The following SHLD2 variants were observed in gnomAD, a reference collection of about 807,000 sequenced individuals.
SHLD2 encodes shieldin complex subunit 2, also known as RINN1-REV7-interacting novel NHEJ regulator 2.
SHLD2 carries 30 observed loss-of-function variants against 73.2 expected under a neutral mutation model. That is an observed-to-expected ratio of 0.41 (90% CI 0.31 to 0.56). The LOEUF (loss-of-function observed/expected upper bound fraction) is 0.56. Ranked by LOEUF, SHLD2 falls within the 20% of genes least tolerant of loss-of-function variation. The pLI, the probability that SHLD2 is intolerant of heterozygous loss-of-function variation, is 0.28. For synonymous variants in SHLD2, 285 were observed against 370.1 expected (o/e 0.77, Z 2.64); for missense variants, 745 against 1,055.9 (o/e 0.71, Z 4.08).
intron 2 of SHLD2, among the ~76,000 whole-genome samples, chr10:87,105,881 T>C (rs891625619): frequency 3.3e-5 from 5 of 152,194 alleles, no homozygotes; most frequent in African/African-American, 1.2e-4. Flanking sequence ...ATTGGGTTGG[T>C]TACATGCCAC....
At chr10:87,142,956 G>C (rs1845311481) in intron 2 of SHLD2, among the ~76,000 whole-genome samples, 1 of 112,438 alleles carries the variant, frequency 8.9e-6, no homozygotes, top group African/African-American at 3.6e-5. Flanking sequence ...TAGAGACAGT[G>C]TCTCACTCTG....
chr10:87,162,802 T>C (rs770278871), intron 4 of SHLD2, among the ~76,000 whole-genome samples: 4 of 152,096 alleles, frequency 2.6e-5, no homozygotes, highest in Non-Finnish European at 5.9e-5. Context: ...ACCTATCAGA[T>C]TGGCAAAATT....
chr10:87,102,931 G>T (rs1245063781), intron 2 of SHLD2, among the ~76,000 whole-genome samples: 6 of 151,928 alleles, frequency 3.9e-5, no homozygotes, highest in Non-Finnish European at 7.4e-5. Context: ...TAAAAATCTG[G>T]CTGGGCGTGG....
chr10:87,144,674 T>A (rs867936726), intron 2 of SHLD2, among the ~76,000 whole-genome samples: 2 of 136,298 alleles, frequency 1.5e-5, no homozygotes, highest in African/African-American at 5.6e-5. Context: ...TTGCCCAGGC[T>A]GGAATGCAGT....
intron 9 of SHLD2, among the ~76,000 whole-genome samples, chr10:87,187,953 A>G (rs1228740253): frequency 1.3e-5 from 2 of 152,092 alleles, no homozygotes; most frequent in Non-Finnish European, 1.5e-5. Flanking sequence ...GTTTCAAATT[A>G]TCTTGTGCTT....
chr10:87,137,165 G>A (rs1303498512), intron 2 of SHLD2, among the ~76,000 whole-genome samples: 1 of 152,152 alleles, frequency 6.6e-6, no homozygotes, highest in African/African-American at 2.4e-5. Flanking sequence ...ACCCAGAGAT[G>A]ATCCAGATTT....
intron 2 of SHLD2, among the ~76,000 whole-genome samples, chr10:87,103,688 A>G (rs1358622783): frequency 1.3e-5 from 2 of 152,220 alleles, no homozygotes; most frequent in Non-Finnish European, 2.9e-5. Flanking sequence ...AAACTGTGTC[A>G]AAGAAAAGGA....
chr10:87,131,382 T>C (rs28628486), intron 2 of SHLD2, among the ~76,000 whole-genome samples: 16 of 152,138 alleles, frequency 1.1e-4, no homozygotes, highest in African/African-American at 3.9e-4. Flanking sequence ...CCTCCCTCCC[T>C]CAGCCCCTGG....
intron 2 of SHLD2, among the ~76,000 whole-genome samples, chr10:87,104,385 A>C (rs928439016): frequency 9.9e-5 from 15 of 151,696 alleles, no homozygotes; most frequent in African/African-American, 3.6e-4. Context: ...CCATCTCTAC[A>C]AAAATACAAA....
At chr10:87,135,963 A>G (rs1201299391) in intron 2 of SHLD2, among the ~76,000 whole-genome samples, 1 of 151,744 alleles carries the variant, frequency 6.6e-6, no homozygotes, top group East Asian at 1.9e-4. Context: ...TTTGGAAGGA[A>G]GTTACATATG....
chr10:87,161,164 T>C (rs982122832), intron 4 of SHLD2, among the ~76,000 whole-genome samples: 2 of 152,056 alleles, frequency 1.3e-5, no homozygotes, highest in African/African-American at 2.4e-5. Flanking sequence ...TTAAAAAATA[T>C]CATTAGGCTG....
intron 2 of SHLD2, among the ~76,000 whole-genome samples, chr10:87,104,675 T>C (rs1355695680): frequency 6.6e-6 from 1 of 152,092 alleles, no homozygotes; most frequent in East Asian, 1.9e-4. Flanking sequence ...TTTTTTTTTT[T>C]CTTGAGACGG....
intron 4 of SHLD2, among the ~76,000 whole-genome samples, chr10:87,169,064 C>T (rs1473302282): frequency 6.6e-5 from 10 of 152,136 alleles, no homozygotes; most frequent in Admixed American, 6.5e-4. Flanking sequence ...CACAATGTTT[C>T]CATGAGGTAG....
intron 2 of SHLD2, among the ~76,000 whole-genome samples, chr10:87,117,519 C>T (rs538070218): frequency 3.9e-5 from 6 of 152,180 alleles, no homozygotes; most frequent in Non-Finnish European, 8.8e-5. Flanking sequence ...TTAGGCTGGG[C>T]GTGGTGGCTC....
At chr10:87,180,396 A>G (rs753220900) in intron 8 of SHLD2, 93 bp downstream of exon 8, 1 of 1,486,790 alleles carries the variant, frequency 6.7e-7, no homozygotes, top group African/African-American at 1.4e-5. Context: ...AAAATAATTA[A>G]CTAGAGCTAG....
upstream of SHLD2, chr10:87,094,823 A>C: frequency 9.4e-6 from 13 of 1,377,382 alleles, no homozygotes; most frequent in African/African-American, 1.5e-5. This position sits in a 1 kb window ranked among gnomAD's most constrained non-coding sequence, Gnocchi z 6.6. Context: ...GCGCTTTCTC[A>C]GACTCCCCGC....
chr10:87,154,173 C>T (rs2134347334), intron 3 of SHLD2: 1 of 151,808 alleles, frequency 6.6e-6, no homozygotes, highest in African/African-American at 2.4e-5. Context: ...TTAACATGCC[C>T]TTGTTTCCAA....
intron 2 of SHLD2, among the ~76,000 whole-genome samples, chr10:87,107,993 C>T (rs112843364): frequency 8.3e-4 from 127 of 152,200 alleles, no homozygotes; most frequent in African/African-American, 2.9e-3. Flanking sequence ...AAGCAGTTCT[C>T]GTGCCTCAGC....
At position 87,178,681 on chromosome 10, in the gene SHLD2, C is replaced by T. The variant is rs571335781; in HGVS notation, c.2171-1394C>T. Among the ~76,000 whole-genome samples the T allele has an allele frequency of 2.1e-3, 323 of 151,986 alleles. 2 individuals are homozygous for T. Among genetic ancestry groups the T allele is most frequent in the Non-Finnish European group, 3.0e-3 (207 of 67,970 alleles). Reference sequence around the variant, plus strand: ...GCAGTGAGTCAAGATTGCACCACTGCACTCTAGCCTGGACGACAGAGTGAG... The same window carrying T: ...GCAGTGAGTCAAGATTGCACCACTGTACTCTAGCCTGGACGACAGAGTGAG... On this transcript the variant is annotated intron_variant, in intron 7 of 9. Coordinates refer to ENST00000298786, the MANE Select transcript of SHLD2 (RefSeq NM_001330112.2).
Sources: allele counts gnomAD v4.1 joint callset (sites outside exome capture counted in the v4.1 genomes callset), GRCh38; gene constraint gnomAD v4.1.1; non-coding constraint Gnocchi (gnomAD v3.1); transcripts MANE v1.5; gene names NCBI Gene and HGNC (gene_info 2026-07-23, HGNC 2026-07-21).